The following KIFAP3 variants were observed in gnomAD, a reference collection of about 807,000 sequenced individuals.
The protein encoded by KIFAP3 is kinesin-associated protein 3.
Under a neutral mutation model 106.5 loss-of-function variants are expected in KIFAP3, and 68 were observed. The ratio of observed to expected loss-of-function variants is 0.64; its 90% CI spans 0.53 to 0.78. KIFAP3 has a LOEUF of 0.78. KIFAP3 is among the 30% of genes least tolerant of loss of function. KIFAP3 has a pLI of 0.00. For missense variants in KIFAP3, 780 were observed against 941.8 expected (o/e 0.83, Z 2.25); for synonymous variants, 320 against 311.5 (o/e 1.03, Z -0.29).
chr1:169,944,816 G>C (rs976461301), intron 19 of KIFAP3, among the ~76,000 whole-genome samples: 1 of 152,100 alleles, frequency 6.6e-6, no homozygotes, highest in Non-Finnish European at 1.5e-5. Context: ...GCTGAGCCTG[G>C]GGTTTTTCTA....
At chr1:170,082,069 C>A (rs1672028312) in intron 1 of KIFAP3, among the ~76,000 whole-genome samples, 2 of 152,144 alleles carry the variant, frequency 1.3e-5, no homozygotes, top group Non-Finnish European at 2.9e-5. Flanking sequence ...ACAATACAAC[C>A]AGCAATTCCA....
chr1:170,027,458 A>G (rs190040176), intron 8 of KIFAP3, among the ~76,000 whole-genome samples: 4 of 150,468 alleles, frequency 2.7e-5, no homozygotes, highest in Non-Finnish European at 3.0e-5. Flanking sequence ...ATTATGTCAT[A>G]TAACTGTATT....
At chr1:170,028,021 A>G (rs1168056679) in intron 8 of KIFAP3, among the ~76,000 whole-genome samples, 2 of 152,194 alleles carry the variant, frequency 1.3e-5, no homozygotes, top group Admixed American at 6.5e-5. Context: ...AGTATTAAAA[A>G]AAGTTGTCAA....
At chr1:170,041,824 T>G in intron 3 of KIFAP3, 3 of 1,480,546 alleles carry the variant, frequency 2.0e-6, no homozygotes, top group Non-Finnish European at 2.7e-6. Flanking sequence ...TCAGAAGTCC[T>G]GCTGACCCTT....
chr1:169,947,877 A>G (rs1042360291), intron 19 of KIFAP3, among the ~76,000 whole-genome samples: 2 of 151,582 alleles, frequency 1.3e-5, no homozygotes, highest in Non-Finnish European at 3.0e-5. Context: ...AAAGGTGGAT[A>G]TTCATTAGTA....
chr1:169,992,690 GAAGTA>G (rs779199767), intron 10 of KIFAP3, among the ~76,000 whole-genome samples: 7 of 152,118 alleles, frequency 4.6e-5, no homozygotes, highest in Non-Finnish European at 8.8e-5. Flanking sequence ...AATGATGAAA[GAAGTA>G]AAGTAGTAGT....
chr1:169,934,405 C>T (rs1003264289), intron 19 of KIFAP3, among the ~76,000 whole-genome samples: 1 of 152,120 alleles, frequency 6.6e-6, no homozygotes, highest in Non-Finnish European at 1.5e-5. Context: ...AACTTACTGA[C>T]AGATTCTAGT....
At chr1:170,003,147 T>C (rs1287698412) in intron 10 of KIFAP3, among the ~76,000 whole-genome samples, 1 of 152,208 alleles carries the variant, frequency 6.6e-6, no homozygotes, top group Non-Finnish European at 1.5e-5. Flanking sequence ...CAAATTTTTA[T>C]TATTACATTC....
At chr1:170,010,032 T>C (rs1358773945) in intron 10 of KIFAP3, among the ~76,000 whole-genome samples, 4 of 152,084 alleles carry the variant, frequency 2.6e-5, no homozygotes, top group African/African-American at 7.2e-5. Context: ...GATGGTAGCA[T>C]TAAGTTACCA....
chr1:169,965,144 A>G (rs1233717247), intron 17 of KIFAP3, among the ~76,000 whole-genome samples: 1 of 152,118 alleles, frequency 6.6e-6, no homozygotes, highest in Non-Finnish European at 1.5e-5. Flanking sequence ...ATAAAATACT[A>G]GAAATCCTAG....
rs112168557 is a variant in KIFAP3, at chr1:170,080,875, T to C, written n.174+4160A>G. On this transcript the variant is annotated intron_variant and non_coding_transcript_variant, in intron 1 of 5. Coordinates refer to the KIFAP3 transcript ENST00000490550. Reference sequence around the variant, plus strand: ...TTATTCTGTCACCACAAAGATCTACTGAAATTTACATTTCATTGGATTGAA... The same window carrying C: ...TTATTCTGTCACCACAAAGATCTACCGAAATTTACATTTCATTGGATTGAA... Among the ~76,000 whole-genome samples, 36 of 152,286 alleles carry C rather than the reference T, an allele frequency of 2.4e-4. 1 individual carries two copies. Among genetic ancestry groups the C allele is most frequent in the African/African-American group, 5.8e-4 (24 of 41,582 alleles).
At chr1:170,003,812 C>T (rs1050359461) in intron 10 of KIFAP3, among the ~76,000 whole-genome samples, 5 of 151,308 alleles carry the variant, frequency 3.3e-5, no homozygotes, top group African/African-American at 7.4e-5. Flanking sequence ...GACAGGGATG[C>T]CCTCTCTTAC....
intron 2 of KIFAP3, among the ~76,000 whole-genome samples, chr1:170,049,955 C>T (rs1353071622): frequency 6.6e-6 from 1 of 152,146 alleles, no homozygotes; most frequent in Non-Finnish European, 1.5e-5. Flanking sequence ...ATCGCAAGTC[C>T]TCTCCAGCAA....
At chr1:169,947,698 A>G (rs1664512645) in intron 19 of KIFAP3, among the ~76,000 whole-genome samples, 1 of 151,826 alleles carries the variant, frequency 6.6e-6, no homozygotes, top group Non-Finnish European at 1.5e-5. Flanking sequence ...TCTTAACCAT[A>G]CTGTCTGCTA....
chr1:169,930,787 A>G (rs1663420184), intron 19 of KIFAP3, among the ~76,000 whole-genome samples: 1 of 152,084 alleles, frequency 6.6e-6, no homozygotes, highest in Non-Finnish European at 1.5e-5. Flanking sequence ...TTTCTTATGA[A>G]CTTAGTCATA....
At chr1:170,076,775 T>A (rs1671927448), upstream of KIFAP3, among the ~76,000 whole-genome samples, 1 of 152,212 alleles carries the variant, frequency 6.6e-6, no homozygotes, top group Admixed American at 6.5e-5. Flanking sequence ...TGGATTCAAA[T>A]AAGCCCTATT....
intron 2 of KIFAP3, among the ~76,000 whole-genome samples, chr1:170,047,695 A>T (rs550800848): frequency 6.6e-6 from 1 of 151,858 alleles, no homozygotes; most frequent in South Asian, 2.1e-4. Context: ...ACAAATGAAT[A>T]CATTTTATAC....
intron 10 of KIFAP3, among the ~76,000 whole-genome samples, chr1:170,003,890 C>T (rs1322664407): frequency 2.6e-5 from 4 of 152,106 alleles, no homozygotes; most frequent in African/African-American, 9.7e-5. Flanking sequence ...AAATAAAGGG[C>T]ATTCAATTAG....
At chr1:170,076,229 C>A (rs866551903), upstream of KIFAP3, among the ~76,000 whole-genome samples, 52 of 151,734 alleles carry the variant, frequency 3.4e-4, no homozygotes, top group South Asian at 8.3e-4. Flanking sequence ...ACAACAACAA[C>A]AAAAAAACCT....
Sources: allele counts gnomAD v4.1 joint callset (sites outside exome capture counted in the v4.1 genomes callset), GRCh38; gene constraint gnomAD v4.1.1; transcripts MANE v1.5; gene names NCBI Gene and HGNC (gene_info 2026-07-23, HGNC 2026-07-21).